The following DCAF5 variants were observed in gnomAD, a reference collection of about 807,000 sequenced individuals.
The protein encoded by DCAF5 is DDB1- and CUL4-associated factor 5.
In DCAF5, 9 loss-of-function variants were observed where a neutral mutation model predicts 80.7. That is an observed-to-expected ratio of 0.11 (90% CI 0.07 to 0.19). DCAF5 has a LOEUF of 0.19. Ranked by LOEUF, DCAF5 falls within the 10% of genes least tolerant of loss-of-function variation. DCAF5 has a pLI of 1.00. For synonymous variants in DCAF5, 433 were observed against 461.9 expected (o/e 0.94, Z 0.80); for missense variants, 842 against 1,205.7 (o/e 0.70, Z 4.47).
intron 5 of DCAF5, among the ~76,000 whole-genome samples, chr14:69,105,914 C>CATATCTATATATATATAT (rs2040123880): frequency 2.0e-5 from 1 of 49,970 alleles, no homozygotes; most frequent in Admixed American, 3.0e-4. Context: ...AATAAACTGT[C>CATATCTATATATATATAT]ATATATATAT....
At chr14:69,129,802 C>T (rs2040987059) in intron 1 of DCAF5, among the ~76,000 whole-genome samples, 1 of 152,180 alleles carries the variant, frequency 6.6e-6, no homozygotes, top group Non-Finnish European at 1.5e-5. Context: ...CCTTTCTTCT[C>T]AGTGCCAGTG....
At chr14:69,136,176 GGCAGTCATAGCTCACT>G (rs1224057534) in intron 1 of DCAF5, among the ~76,000 whole-genome samples, 1 of 150,330 alleles carries the variant, frequency 6.7e-6, no homozygotes, top group Non-Finnish European at 1.5e-5. Flanking sequence ...AGTGCAGTGG[GGCAGTCATAGCTCACT>G]GCAGCCTCAA....
chr14:69,112,630 A>ACAC (rs1566765728), intron 5 of DCAF5, among the ~76,000 whole-genome samples: 4 of 130,322 alleles, frequency 3.1e-5, no homozygotes, highest in African/African-American at 1.4e-4. Flanking sequence ...CACACACACA[A>ACAC]ATAACACACA....
chr14:69,112,068 C>T (rs1188521640), intron 5 of DCAF5, among the ~76,000 whole-genome samples: 1 of 152,124 alleles, frequency 6.6e-6, no homozygotes, highest in Non-Finnish European at 1.5e-5. Context: ...TTGTCTTTTT[C>T]AAGAGATGTA....
intron 1 of DCAF5, among the ~76,000 whole-genome samples, chr14:69,135,425 G>T (rs1286227618): frequency 2.0e-5 from 3 of 152,136 alleles, no homozygotes; most frequent in Non-Finnish European, 4.4e-5. Context: ...TGACAAAATA[G>T]AAAGTACACA....
chr14:69,122,804 T>A (rs1438608309), intron 1 of DCAF5, among the ~76,000 whole-genome samples: 2 of 152,232 alleles, frequency 1.3e-5, no homozygotes, highest in Admixed American at 1.3e-4. Flanking sequence ...AGCAATCTTC[T>A]TGATATGATC....
Position 69,153,107 on chromosome 14 carries a change from C to T in DCAF5, c.-129G>A. ...TGGTTCTTTAACCAGCCATGGCAGG[C>T]AGAGCGAGGTGTGCAGACACTCGGC... is the stretch of plus-strand genomic sequence containing the variant. On this transcript the variant is annotated 5_prime_UTR_variant, in exon 1 of 9. Coordinates refer to ENST00000341516, the MANE Select transcript of DCAF5 (RefSeq NM_003861.3). 1.4e-6 allele frequency: 1 copy of T among 700,522 alleles called. No individual in the cohort carries two copies. The highest frequency in any genetic ancestry group is 2.1e-6 in the Non-Finnish European group (1 of 469,080). 43.4% of individuals were successfully genotyped at this position (700,522 alleles called of 1,614,324 possible).
rs1594931776 is a variant in DCAF5, at chr14:69,062,468, T to C, written c.990A>G (p.Lys330=). The part of the protein sequence containing the change: ...RVVNGAFMVL[K]GHRSIVNQVR... ...CTTGGTTAACAATAGATCGATGCCC[T>C]TTCAGCACCATGAAGGCTCCGTTGA... Residue 330 remains lysine (K), a synonymous_variant, in exon 8 of 9, where the codon AAA becomes AAG. Transcript: ENST00000341516. 1 of 1,613,746 alleles carries C rather than the reference T, an allele frequency of 6.2e-7. No individual in the cohort carries two copies. The highest frequency in any genetic ancestry group is 2.2e-5 in the East Asian group (1 of 44,892).
At chr14:69,150,262 C>T (rs1031766697) in intron 1 of DCAF5, among the ~76,000 whole-genome samples, 1 of 152,018 alleles carries the variant, frequency 6.6e-6, no homozygotes, top group African/African-American at 2.4e-5. Context: ...GGAAAAGGAG[C>T]AAGGGGCAAA....
chr14:69,087,150 T>C (rs2039361271), intron 6 of DCAF5, among the ~76,000 whole-genome samples: 1 of 152,128 alleles, frequency 6.6e-6, no homozygotes, highest in African/African-American at 2.4e-5. Context: ...CAAGAGCCAT[T>C]TAAGGAATTG....
In DCAF5 at chr14:69,149,008, C is replaced by A. The variant is rs541851537; in HGVS notation, c.214+3757G>T. Reference sequence around the variant, plus strand: ...AATCTGCACTGGTCTATTAACAATACTGTAATAACAAATGTCTGTTATTAA... The same window carrying A: ...AATCTGCACTGGTCTATTAACAATAATGTAATAACAAATGTCTGTTATTAA... On this transcript the variant is annotated intron_variant, in intron 1 of 8. Transcript: ENST00000341516. Among the ~76,000 whole-genome samples, 5 of 152,306 alleles carry A rather than the reference C, an allele frequency of 3.3e-5. No individual in the cohort carries two copies. The East Asian group carries it at 5.8e-4, about 18-fold the overall frequency.
intron 7 of DCAF5, among the ~76,000 whole-genome samples, chr14:69,075,012 C>A (rs2038846753): frequency 1.4e-5 from 2 of 144,674 alleles, no homozygotes; most frequent in South Asian, 2.2e-4. Context: ...CTGGCTTGGG[C>A]AACAAGAGTG....
chr14:69,098,871 C>T (rs533949087), intron 5 of DCAF5, among the ~76,000 whole-genome samples: 5 of 134,134 alleles, frequency 3.7e-5, no homozygotes, highest in East Asian at 2.1e-4. Flanking sequence ...CCAGCCTGGC[C>T]GACTGAGCGA....
intron 5 of DCAF5, among the ~76,000 whole-genome samples, chr14:69,102,044 G>C (rs555974764): frequency 6.6e-6 from 1 of 151,940 alleles, no homozygotes; most frequent in African/African-American, 2.4e-5. Context: ...TTACACACAG[G>C]CTACGCTACA....
intron 1 of DCAF5, among the ~76,000 whole-genome samples, chr14:69,147,646 T>G (rs780752254): frequency 6.6e-6 from 1 of 152,150 alleles, no homozygotes; most frequent in Non-Finnish European, 1.5e-5. Context: ...AGAGACCCAT[T>G]TGAACTAGAA....
chr14:69,103,040 C>T (rs2040018348), intron 5 of DCAF5, among the ~76,000 whole-genome samples: 1 of 152,152 alleles, frequency 6.6e-6, no homozygotes, highest in Non-Finnish European at 1.5e-5. Context: ...AATTTTTCAG[C>T]TCCATTATAA....
At chr14:69,080,686 C>T (rs917524755) in intron 6 of DCAF5, among the ~76,000 whole-genome samples, 3 of 152,168 alleles carry the variant, frequency 2.0e-5, no homozygotes, top group African/African-American at 7.2e-5. Flanking sequence ...ACAGCAGATA[C>T]TCCTATATAA....
intron 1 of DCAF5, among the ~76,000 whole-genome samples, chr14:69,122,628 C>G (rs546815929): frequency 1.1e-3 from 162 of 152,306 alleles, no homozygotes; most frequent in African/African-American, 3.8e-3. Context: ...CCTAAAGCCA[C>G]CCTGTTCCTG....
At chr14:69,124,369 T>C (rs949419689) in intron 1 of DCAF5, among the ~76,000 whole-genome samples, 3 of 152,230 alleles carry the variant, frequency 2.0e-5, no homozygotes, top group Non-Finnish European at 4.4e-5. Flanking sequence ...TACCTTCCTA[T>C]ACTGCTTGAC....
Sources: allele counts gnomAD v4.1 joint callset (sites outside exome capture counted in the v4.1 genomes callset), GRCh38; gene constraint gnomAD v4.1.1; transcripts MANE v1.5; gene names NCBI Gene and HGNC (gene_info 2026-07-23, HGNC 2026-07-21).